TMEM120B: variants seen among roughly 807,000 people sequenced by gnomAD.
The protein encoded by TMEM120B is transmembrane protein 120B.
TMEM120B carries 31 observed loss-of-function variants against 55.5 expected under a neutral mutation model. That is an observed-to-expected ratio of 0.56 (90% CI 0.42 to 0.75). The LOEUF is 0.75. TMEM120B is among the 30% of genes least tolerant of loss of function. TMEM120B has a pLI of 0.00. For missense variants in TMEM120B, 399 were observed against 425.5 expected (o/e 0.94, Z 0.55); for synonymous variants, 203 against 176.3 (o/e 1.15, Z -1.20).
chr12:121,736,415 G>T lies in TMEM120B; in HGVS notation c.70-7214G>T, dbSNP rs1195271858. ...GATCTCCTGACCTTGTGATCCGCCC[G>T]CCTTGGCCTCCCAAAGTGCTGGGAT... On this transcript the variant is annotated intron_variant, in intron 1 of 11. Coordinates refer to ENST00000449592, the MANE Select transcript of TMEM120B (RefSeq NM_001080825.2). Among the ~76,000 whole-genome samples the T allele has an allele frequency of 8.6e-5, 13 of 150,378 alleles. 1 individual carries two copies. The highest frequency in any genetic ancestry group is 6.0e-4 in the Admixed American group (9 of 14,984).
chr12:121,759,691 G>T (rs190093829), intron 5 of TMEM120B, among the ~76,000 whole-genome samples: 1 of 151,492 alleles, frequency 6.6e-6, no homozygotes, highest in African/African-American at 2.4e-5. Context: ...CAAACAAAAC[G>T]CTTTAGAGCA....
chr12:121,730,958 CA>C (rs879265342), intron 1 of TMEM120B, among the ~76,000 whole-genome samples: 140 of 133,174 alleles, frequency 1.1e-3, no homozygotes, highest in Admixed American at 1.0e-3. Context: ...AACTCTGTCT[CA>C]AAAAAAAAAA....
chr12:121,714,756 T>G (rs1894666655), intron 1 of TMEM120B, among the ~76,000 whole-genome samples: 1 of 150,614 alleles, frequency 6.6e-6, no homozygotes, highest in Non-Finnish European at 1.5e-5. Context: ...GAGACAGGGT[T>G]TCACCATGTT....
In TMEM120B at chr12:121,726,637, A is replaced by G. The variant is rs1261527524; in HGVS notation, c.69+13673A>G. On this transcript the variant is annotated intron_variant, in intron 1 of 11. Coordinates refer to ENST00000449592, the MANE Select transcript of TMEM120B (RefSeq NM_001080825.2). ...TGCTTCAGGCCAGGTGCAGGGGCTC[A>G]TTCATGCCTATAATCCCAGCACTTG... Among the ~76,000 whole-genome samples the G allele has an allele frequency of 2.6e-5, 4 of 151,058 alleles. No individual in the cohort carries two copies. The East Asian group carries it at 7.8e-4, about 29-fold the overall frequency.
At chr12:121,760,788 C>T (rs149215248) in intron 5 of TMEM120B, among the ~76,000 whole-genome samples, 53 of 152,226 alleles carry the variant, frequency 3.5e-4, no homozygotes, top group African/African-American at 1.3e-3. Flanking sequence ...ACCTGACATT[C>T]CTGGTTGGAG....
At chr12:121,729,579 G>GAGAAT (rs1346103915) in intron 1 of TMEM120B, among the ~76,000 whole-genome samples, 1 of 151,884 alleles carries the variant, frequency 6.6e-6, no homozygotes, top group African/African-American at 2.4e-5. Flanking sequence ...GCTGAAGTGG[G>GAGAAT]AGAATAGCGT....
intron 1 of TMEM120B, among the ~76,000 whole-genome samples, chr12:121,714,932 AG>A: frequency 6.6e-6 from 1 of 152,086 alleles, no homozygotes; most frequent in South Asian, 2.1e-4. Flanking sequence ...AGTGGGTGTT[AG>A]GGTTGGGAAT....
intron 1 of TMEM120B, among the ~76,000 whole-genome samples, chr12:121,736,543 C>G (rs928703478): frequency 6.7e-6 from 1 of 148,244 alleles, no homozygotes; most frequent in Non-Finnish European, 1.5e-5. Context: ...TGTGAGCCAC[C>G]ATGCCCGGCC....
At chr12:121,768,812 TG>T (rs199967353) in intron 6 of TMEM120B, among the ~76,000 whole-genome samples, 2,930 of 151,054 alleles carry the variant, frequency 0.019, 51 homozygotes, top group Non-Finnish European at 0.024. Flanking sequence ...ATGCTGGGGG[TG>T]GGGGGTGACA....
intron 6 of TMEM120B, among the ~76,000 whole-genome samples, chr12:121,769,960 G>C (rs1873982915): frequency 6.6e-6 from 1 of 152,102 alleles, no homozygotes; most frequent in Admixed American, 6.6e-5. Context: ...CCATCAGGCT[G>C]GTTCAGATAA....
chr12:121,781,413 G>A lies in TMEM120B; in HGVS notation c.*5691G>A, dbSNP rs1874453286. 3 of 519,884 alleles carry A rather than the reference G, an allele frequency of 5.8e-6. No individual in the cohort carries two copies. Among genetic ancestry groups the A allele is most frequent in the South Asian group, 4.1e-5 (2 of 49,130 alleles). The allele number at this position is 519,884 out of a possible 1,614,324, so 32.2% of individuals were successfully genotyped here. A position where few individuals can be genotyped will look rare whatever the true frequency, so the allele number is the denominator to read the frequency against. ...TTGAGCCCAGGAGGTCAAGGCTACAGTGAGCCGTGATCATGCCACTGCACT... is the reference window on the plus strand; with the variant it reads ...TTGAGCCCAGGAGGTCAAGGCTACAATGAGCCGTGATCATGCCACTGCACT... On this transcript the variant is annotated 3_prime_UTR_variant, in exon 12 of 12. Transcript: ENST00000449592.
intron 5 of TMEM120B, among the ~76,000 whole-genome samples, chr12:121,754,441 G>A (rs565825493): frequency 4.0e-4 from 61 of 152,302 alleles, no homozygotes; most frequent in Middle Eastern, 3.4e-3. Context: ...TAGACTGGGG[G>A]CTTAAAACGA....
At chr12:121,766,070 G>C (rs1237245790) in intron 6 of TMEM120B, among the ~76,000 whole-genome samples, 7 of 152,142 alleles carry the variant, frequency 4.6e-5, no homozygotes, top group Non-Finnish European at 1.0e-4. Context: ...CGGCATTCTA[G>C]AGACGGCGTC....
chr12:121,752,557 A>G (rs2137219306), intron 5 of TMEM120B, among the ~76,000 whole-genome samples: 1 of 151,990 alleles, frequency 6.6e-6, no homozygotes, highest in African/African-American at 2.4e-5. Context: ...GTTCAAGACC[A>G]GCCTGGCCAA....
chr12:121,715,189 G>T (rs1250988622), intron 1 of TMEM120B, among the ~76,000 whole-genome samples: 1 of 152,014 alleles, frequency 6.6e-6, no homozygotes. Context: ...TGCAAAATTA[G>T]CTGGGTGTGG....
Position 121,779,535 on chromosome 12 carries a change from T to C in TMEM120B, c.*3813T>C. 2 of 1,613,052 alleles carry C rather than the reference T, an allele frequency of 1.2e-6. No individual in the cohort carries two copies. Among genetic ancestry groups the C allele is most frequent in the Non-Finnish European group, 1.7e-6 (2 of 1,179,384 alleles). ...GCAGAGCCGGCGCTTCTTCTGCCGT[T>C]GCGCCTTCTTCAGAGCGCTGAGAGC... On this transcript the variant is annotated 3_prime_UTR_variant, in exon 12 of 12. Transcript: ENST00000449592.
intron 1 of TMEM120B, among the ~76,000 whole-genome samples, chr12:121,733,353 T>A (rs920165671): frequency 6.7e-6 from 1 of 150,094 alleles, no homozygotes; most frequent in Non-Finnish European, 1.5e-5. Context: ...CACACCATTC[T>A]CCTGCCTCAG....
chr12:121,763,515 C>T (rs1873749789), intron 6 of TMEM120B, among the ~76,000 whole-genome samples: 1 of 152,088 alleles, frequency 6.6e-6, no homozygotes, highest in Admixed American at 6.5e-5. Context: ...ACCATCTCAG[C>T]TCACTGCAAC....
intron 3 of TMEM120B, among the ~76,000 whole-genome samples, chr12:121,748,776 C>T (rs1873183182): frequency 6.6e-6 from 1 of 152,176 alleles, no homozygotes; most frequent in African/African-American, 2.4e-5. Flanking sequence ...AGAGCTGTGC[C>T]GGGACCTCCT....
Sources: allele counts gnomAD v4.1 joint callset (sites outside exome capture counted in the v4.1 genomes callset), GRCh38; gene constraint gnomAD v4.1.1; transcripts MANE v1.5; gene names NCBI Gene and HGNC (gene_info 2026-07-23, HGNC 2026-07-21).